Variants in WWOX observed in about 807,000 individuals in gnomAD.
WWOX encodes WW domain containing oxidoreductase.
WWOX carries 69 observed loss-of-function variants against 46.2 expected under a neutral mutation model. The observed-to-expected ratio is 1.49, with a 90% CI of 1.23 to 1.82. The LOEUF (loss-of-function observed/expected upper bound fraction) is 1.82. Ranked by LOEUF, WWOX falls within the 40% of genes most tolerant of loss-of-function variation. The pLI, the probability that WWOX is intolerant of heterozygous loss-of-function variation, is 0.00. For synonymous variants in WWOX, 359 were observed against 202.6 expected, an observed-to-expected ratio of 1.77 and a Z score of -6.56; for missense variants, 919 against 542.6, an observed-to-expected ratio of 1.69 and a Z score of -6.89.
chr16:78,996,861 T>C (rs1027531159), intron 8 of WWOX, among the ~76,000 whole-genome samples: 5 of 152,216 alleles, frequency 3.3e-5, no homozygotes, highest in African/African-American at 1.2e-4. Flanking sequence ...CCGACACATG[T>C]GCCATAAATG....
intron 8 of WWOX, among the ~76,000 whole-genome samples, chr16:78,624,810 G>A (rs771247577): frequency 5.3e-4 from 80 of 152,276 alleles, no homozygotes; most frequent in Non-Finnish European, 1.0e-3. Context: ...TTCCCTGTAC[G>A]ATTTCTGGCT....
At chr16:78,659,753 T>C (rs2047169982) in intron 8 of WWOX, among the ~76,000 whole-genome samples, 1 of 152,204 alleles carries the variant, frequency 6.6e-6, no homozygotes, top group Admixed American at 6.5e-5. Flanking sequence ...TTTGCCCACA[T>C]GAAGATAGAA....
Position 78,529,990 on chromosome 16 carries a change from C to T in WWOX, c.1056+97238C>T, listed in dbSNP as rs1176182828. Among the ~76,000 whole-genome samples, 9 of 152,144 alleles carry T rather than the reference C, an allele frequency of 5.9e-5. No individual in the cohort carries two copies. The South Asian group carries it at 1.0e-3, about 18-fold the overall frequency. ...CCCTTTGCAGGCAGGAAGTGGAGTG[C>T]GGATGCTGGAACTAGCTGGCTGCTT... On this transcript the variant is annotated intron_variant, in intron 8 of 8. Coordinates refer to ENST00000566780, the MANE Select transcript of WWOX (RefSeq NM_016373.4).
At chr16:78,566,391 G>T (rs1026689917) in intron 8 of WWOX, among the ~76,000 whole-genome samples, 1 of 152,138 alleles carries the variant, frequency 6.6e-6, no homozygotes, top group Non-Finnish European at 1.5e-5. Context: ...GGAGAACATG[G>T]TATCAGAACC....
chr16:78,823,209 A>G (rs1185224261), intron 8 of WWOX, among the ~76,000 whole-genome samples: 1 of 152,238 alleles, frequency 6.6e-6, no homozygotes, highest in Non-Finnish European at 1.5e-5. Context: ...TCACAGGGTC[A>G]GGCCTTGGAT....
At chr16:78,781,394 C>A (rs2050320029) in intron 8 of WWOX, among the ~76,000 whole-genome samples, 1 of 152,202 alleles carries the variant, frequency 6.6e-6, no homozygotes, top group African/African-American at 2.4e-5. Context: ...TTCCGTCAGT[C>A]TTACTACCCC....
At chr16:78,637,695 C>A (rs896521482) in intron 8 of WWOX, among the ~76,000 whole-genome samples, 1 of 152,154 alleles carries the variant, frequency 6.6e-6, no homozygotes, top group African/African-American at 2.4e-5. Flanking sequence ...GAGCTAAGCG[C>A]GGAGTAGGTG....
intron 5 of WWOX, among the ~76,000 whole-genome samples, chr16:78,314,336 G>A (rs535934714): frequency 1.3e-5 from 2 of 148,742 alleles, no homozygotes; most frequent in Non-Finnish European, 3.0e-5. Context: ...AACCCAGGAC[G>A]CAGAGGTTGC....
chr16:79,005,689 C>T (rs2047176772), intron 8 of WWOX, among the ~76,000 whole-genome samples: 2 of 152,164 alleles, frequency 1.3e-5, no homozygotes, highest in African/African-American at 4.8e-5. Flanking sequence ...GGACACCAGT[C>T]CTTGGATTTA....
At chr16:78,977,122 C>T (rs117320192) in intron 8 of WWOX, among the ~76,000 whole-genome samples, 253 of 152,276 alleles carry the variant, frequency 1.7e-3, no homozygotes, top group Non-Finnish European at 2.6e-3. Context: ...CTAATATCTT[C>T]CTCTTTACTC....
chr16:78,833,414 C>T (rs1024587661), intron 8 of WWOX, among the ~76,000 whole-genome samples: 1 of 111,052 alleles, frequency 9.0e-6, no homozygotes. Flanking sequence ...TACTTAATGG[C>T]CCAGCCATCT....
At chr16:78,247,338 T>C (rs1237992132) in intron 5 of WWOX, among the ~76,000 whole-genome samples, 2 of 152,172 alleles carry the variant, frequency 1.3e-5, no homozygotes, top group Non-Finnish European at 2.9e-5. Flanking sequence ...TAGCGAACAA[T>C]GCACCCGTTA....
intron 8 of WWOX, among the ~76,000 whole-genome samples, chr16:79,080,671 A>G (rs913087730): frequency 1.3e-5 from 2 of 152,164 alleles, no homozygotes; most frequent in African/African-American, 4.8e-5. Flanking sequence ...GGTCTTGTTG[A>G]AAAACCATGG....
chr16:78,639,986 C>T lies in WWOX; in HGVS notation c.1056+207234C>T, dbSNP rs546997334. Among the ~76,000 whole-genome samples the T allele has an allele frequency of 2.0e-5, 3 of 152,114 alleles. No homozygotes were observed. In the South Asian group the frequency reaches 6.2e-4, roughly 32 times the overall value. Reference sequence around the variant, plus strand: ...GCACAGCTGGTTTCCTTTTTGAATCCCACACAGTGCTGGGGCAGTTTCATA... The same window carrying T: ...GCACAGCTGGTTTCCTTTTTGAATCTCACACAGTGCTGGGGCAGTTTCATA... On this transcript the variant is annotated intron_variant, in intron 8 of 8. Transcript: ENST00000566780.
At chr16:78,705,761 C>G (rs1376173450) in intron 8 of WWOX, among the ~76,000 whole-genome samples, 1 of 152,158 alleles carries the variant, frequency 6.6e-6, no homozygotes, top group African/African-American at 2.4e-5. Flanking sequence ...CATCAGAGCA[C>G]ATACTGCTTT....
intron 8 of WWOX, among the ~76,000 whole-genome samples, chr16:78,954,232 G>C (rs2046120474): frequency 6.6e-6 from 1 of 152,104 alleles, no homozygotes; most frequent in African/African-American, 2.4e-5. Flanking sequence ...ATGTATGGTT[G>C]GATGATTGGA....
chr16:78,781,082 C>A (rs866683264), intron 8 of WWOX, among the ~76,000 whole-genome samples: 1 of 152,214 alleles, frequency 6.6e-6, no homozygotes, highest in South Asian at 2.1e-4. Context: ...CTCCTAATTA[C>A]CAGGTAGCTT....
intron 8 of WWOX, among the ~76,000 whole-genome samples, chr16:78,628,123 C>T (rs953386471): frequency 6.6e-6 from 1 of 152,184 alleles, no homozygotes; most frequent in Non-Finnish European, 1.5e-5. Flanking sequence ...TGAACCTTCA[C>T]ACCGAGGATC....
intron 8 of WWOX, among the ~76,000 whole-genome samples, chr16:78,656,221 G>C (rs2047077705): frequency 6.6e-6 from 1 of 152,038 alleles, no homozygotes; most frequent in African/African-American, 2.4e-5. Flanking sequence ...ACCTCTCTGT[G>C]CCTCAGTCTC....
Sources: gnomAD v4.1 joint callset for allele counts (sites outside exome capture counted in the v4.1 genomes callset) on GRCh38, gnomAD v4.1.1 for gene constraint, MANE v1.5 for transcripts, NCBI Gene and HGNC (gene_info 2026-07-23, HGNC 2026-07-21) for gene names.